The following STK32B variants were observed in gnomAD, a reference collection of about 807,000 sequenced individuals.
The protein encoded by STK32B is serine/threonine-protein kinase 32B.
In STK32B, 43 loss-of-function variants were observed where a neutral mutation model predicts 52.6. The observed-to-expected ratio is 0.82, with a 90% CI of 0.64 to 1.05. STK32B has a LOEUF of 1.05. Among genes scored for constraint, STK32B ranks in the 50% least tolerant of loss-of-function variants. The pLI, the probability that STK32B is intolerant of heterozygous loss-of-function variation, is 0.00. For synonymous variants in STK32B, 238 were observed against 204.3 expected (o/e 1.17, Z -1.41); for missense variants, 621 against 534.6 (o/e 1.16, Z -1.59).
At chr4:5,296,473 T>C (rs1449557328) in intron 3 of STK32B, among the ~76,000 whole-genome samples, 2 of 152,212 alleles carry the variant, frequency 1.3e-5, no homozygotes, top group Admixed American at 6.5e-5. Flanking sequence ...ATATTTAGGA[T>C]AGTTAGCTCT....
intron 3 of STK32B, among the ~76,000 whole-genome samples, chr4:5,175,256 CT>C (rs377184070): frequency 3.3e-5 from 5 of 152,198 alleles, no homozygotes; most frequent in African/African-American, 1.2e-4. Context: ...AAACTTCCAC[CT>C]TCAGCTCGGA....
At chr4:5,237,793 C>T (rs1478453490) in intron 3 of STK32B, among the ~76,000 whole-genome samples, 1 of 152,210 alleles carries the variant, frequency 6.6e-6, no homozygotes, top group Non-Finnish European at 1.5e-5. Context: ...GATGTCTCTA[C>T]TGCCAGGTGT....
intron 3 of STK32B, among the ~76,000 whole-genome samples, chr4:5,176,297 C>T (rs997042133): frequency 6.6e-6 from 1 of 152,172 alleles, no homozygotes; most frequent in African/African-American, 2.4e-5. Flanking sequence ...TGGTGTGCTG[C>T]ACCCACTGTT....
At chr4:5,353,152 G>A (rs1733945533) in intron 4 of STK32B, among the ~76,000 whole-genome samples, 1 of 152,046 alleles carries the variant, frequency 6.6e-6, no homozygotes, top group Non-Finnish European at 1.5e-5. Context: ...AACGTACCTG[G>A]GGAAACAACA....
At chr4:5,471,942 G>A (rs544625867) in intron 11 of STK32B, among the ~76,000 whole-genome samples, 3 of 152,268 alleles carry the variant, frequency 2.0e-5, no homozygotes, top group South Asian at 2.1e-4. Flanking sequence ...GGATGCTCCC[G>A]GGGGCCTTAA....
At chr4:5,054,346 G>T (rs960031018) in intron 1 of STK32B, among the ~76,000 whole-genome samples, 1 of 152,140 alleles carries the variant, frequency 6.6e-6, no homozygotes, top group African/African-American at 2.4e-5. Context: ...CCCTAACTCA[G>T]AGTGGGGGGA....
intron 2 of STK32B, chr4:5,140,404 C>T (rs1716349908): frequency 5.7e-6 from 5 of 876,340 alleles, no homozygotes; most frequent in Non-Finnish European, 5.9e-6. Flanking sequence ...AATACTCCCC[C>T]CAGTCAAGCT....
intron 3 of STK32B, among the ~76,000 whole-genome samples, chr4:5,298,137 G>A (rs887012146): frequency 1.5e-4 from 23 of 152,164 alleles, no homozygotes; most frequent in African/African-American, 5.3e-4. Flanking sequence ...AAAGATTGCT[G>A]CCTGCTCCTT....
At chr4:5,269,909 G>C (rs565523557) in intron 3 of STK32B, among the ~76,000 whole-genome samples, 3 of 152,046 alleles carry the variant, frequency 2.0e-5, no homozygotes, top group Non-Finnish European at 4.4e-5. Context: ...AATAATAAAA[G>C]AATAATAGTG....
intron 1 of STK32B, among the ~76,000 whole-genome samples, chr4:5,061,329 G>A (rs999789541): frequency 1.3e-5 from 2 of 151,998 alleles, no homozygotes; most frequent in East Asian, 1.9e-4. Flanking sequence ...ATTGTCCGTC[G>A]GTTCTCTTTT....
chr4:5,483,324 A>G (rs1298657866), intron 11 of STK32B, among the ~76,000 whole-genome samples: 1 of 151,820 alleles, frequency 6.6e-6, no homozygotes, highest in African/African-American at 2.4e-5. Flanking sequence ...GGGAGAGTGT[A>G]TGTGTCCAGG....
intron 6 of STK32B, among the ~76,000 whole-genome samples, chr4:5,420,858 T>C (rs1202251265): frequency 6.6e-6 from 1 of 152,140 alleles, no homozygotes; most frequent in Non-Finnish European, 1.5e-5. Context: ...GGAGTGTAGA[T>C]CCTGGACCAC....
intron 3 of STK32B, among the ~76,000 whole-genome samples, chr4:5,296,033 T>A (rs878920869): frequency 6.6e-6 from 1 of 152,228 alleles, no homozygotes; most frequent in Non-Finnish European, 1.5e-5. Flanking sequence ...CCAGTAGTCA[T>A]TCAAGAGCAG....
intron 3 of STK32B, among the ~76,000 whole-genome samples, chr4:5,175,172 C>G (rs1366580687): frequency 6.6e-6 from 1 of 152,084 alleles, no homozygotes; most frequent in African/African-American, 2.4e-5. Context: ...AAGGACTTCT[C>G]TGCATTGGTT....
At chr4:5,086,397 G>A (rs918469266) in intron 1 of STK32B, among the ~76,000 whole-genome samples, 2 of 152,048 alleles carry the variant, frequency 1.3e-5, no homozygotes, top group African/African-American at 4.8e-5. Context: ...CTTTATAGTC[G>A]TTAGATGACC....
At chr4:5,147,772 A>G (rs1311935047) in intron 2 of STK32B, among the ~76,000 whole-genome samples, 1 of 152,014 alleles carries the variant, frequency 6.6e-6, no homozygotes, top group African/African-American at 2.4e-5. Context: ...TCCCACTTGA[A>G]TATGATACCT....
chr4:5,481,045 G>C (rs571887776), intron 11 of STK32B, among the ~76,000 whole-genome samples: 1 of 152,120 alleles, frequency 6.6e-6, no homozygotes, highest in Non-Finnish European at 1.5e-5. Context: ...ATAAACATAC[G>C]TGTGCATGTG....
At chr4:5,459,961 A>G in intron 8 of STK32B, 142 bp from the exon 9 acceptor site, 2 of 1,263,370 alleles carry the variant, frequency 1.6e-6, no homozygotes, top group South Asian at 1.4e-5. Context: ...GCTTCCAACA[A>G]CAGTGACCCA....
chr4:5,284,221 CTG>C (rs1254430921), intron 3 of STK32B, among the ~76,000 whole-genome samples: 1 of 152,066 alleles, frequency 6.6e-6, no homozygotes, highest in Non-Finnish European at 1.5e-5. Flanking sequence ...AGCAAAAAAA[CTG>C]TAGTAGCTGC....
Sources: allele counts gnomAD v4.1 joint callset (sites outside exome capture counted in the v4.1 genomes callset), GRCh38; gene constraint gnomAD v4.1.1; transcripts MANE v1.5; gene names NCBI Gene and HGNC (gene_info 2026-07-23, HGNC 2026-07-21).